Variants in TTF2 observed in about 807,000 individuals in gnomAD.
TTF2 encodes RNA polymerase II termination factor.
Under a neutral mutation model 142.4 loss-of-function variants are expected in TTF2, and 108 were observed. That is an observed-to-expected ratio of 0.76 (90% CI 0.65 to 0.89). TTF2 has a LOEUF of 0.89. Ranked by LOEUF, TTF2 falls within the 40% of genes least tolerant of loss-of-function variation. The pLI, the probability that TTF2 is intolerant of heterozygous loss-of-function variation, is 0.00. For missense variants in TTF2, 1,327 were observed against 1,379.8 expected, an observed-to-expected ratio of 0.96 and a Z score of 0.61; for synonymous variants, 483 against 506.2, an observed-to-expected ratio of 0.95 and a Z score of 0.61.
Position 117,060,380 on chromosome 1 carries a change from G to T in TTF2, c.28+6G>T. ...AGTTAGGTGTCCAGAGCACGGTAAG[G>T]GGCTAGGGTCTCAGCGTCCCGGGGC... On this transcript the variant is annotated splice_donor_region_variant and intron_variant, in intron 1 of 22. Coordinates refer to ENST00000369466, the MANE Select transcript of TTF2 (RefSeq NM_003594.4). 1 of 1,608,186 alleles carries T rather than the reference G, an allele frequency of 6.2e-7. No homozygotes were observed. Among genetic ancestry groups the T allele is most frequent in the Non-Finnish European group, 8.5e-7 (1 of 1,176,468 alleles).
At chr1:117,091,707 T>C (rs1648590870) in intron 16 of TTF2, 110 bp from the exon 17 acceptor site, 13 of 1,381,290 alleles carry the variant, frequency 9.4e-6, no homozygotes, top group Non-Finnish European at 1.3e-5. Flanking sequence ...AACTATATTA[T>C]TGAGTCTGAG....
intron 3 of TTF2, among the ~76,000 whole-genome samples, chr1:117,069,909 C>T (rs936382953): frequency 5.3e-5 from 8 of 152,194 alleles, no homozygotes; most frequent in Admixed American, 1.3e-4. Context: ...AACCTCTGTC[C>T]TGGAAAACAA....
chr1:117,088,028 A>G (rs1225002316), intron 12 of TTF2, among the ~76,000 whole-genome samples: 1 of 152,170 alleles, frequency 6.6e-6, no homozygotes, highest in African/African-American at 2.4e-5. Flanking sequence ...TTATCTTTAC[A>G]CTTGTTTTTC....
In TTF2 at chr1:117,093,200, G is replaced by A. The variant is rs543035693; in HGVS notation, c.2976+299G>A. Among the ~76,000 whole-genome samples, 2 of 152,272 alleles carry A rather than the reference G, an allele frequency of 1.3e-5. No homozygotes were observed. The highest frequency in any genetic ancestry group is 4.1e-4 in the South Asian group (2 of 4,824). On this transcript the variant is annotated intron_variant, in intron 18 of 22. Coordinates refer to ENST00000369466, the MANE Select transcript of TTF2 (RefSeq NM_003594.4). The surrounding 1 kb of genome is among the most constrained non-coding windows in gnomAD (Gnocchi z 4.5). The stretch of plus-strand genomic sequence containing the variant: ...AGCTTGCCAGGTTTGTGCTAGGGAC[G>A]GGGCCTATGCAAGTGAGCAATTTGT...
At position 117,086,844 on chromosome 1, in the gene TTF2, G is replaced by A. The variant is rs909516331; in HGVS notation, c.2160+322G>A. 6.6e-6 allele frequency among the ~76,000 whole-genome samples: 1 copy of A among 151,772 alleles called. No homozygotes were observed. The highest frequency in any genetic ancestry group is 6.6e-5 in the Admixed American group (1 of 15,240). On this transcript the variant is annotated intron_variant, in intron 12 of 22. Transcript: ENST00000369466. This position sits in a 1 kb window ranked among gnomAD's most constrained non-coding sequence, Gnocchi z 4.2. The stretch of plus-strand genomic sequence containing the variant: ...GCTATTTTTATTTTAGAGTATTTGG[G>A]GTATATACTCATGATATTTTTAATA...
In TTF2 at chr1:117,091,401, T is replaced by C; in HGVS notation, c.2662T>C (p.Phe888Leu). Reference sequence around the variant, plus strand: ...ATCTGGAAGAAGCCCTAATAATCCATTCAGTAGAGGTAAGCTGTAGGACTC... The same window carrying C: ...ATCTGGAAGAAGCCCTAATAATCCACTCAGTAGAGGTAAGCTGTAGGACTC... ...NQSGRSPNNPFSRVALEFGSE... is the reference protein window; with the variant it reads ...NQSGRSPNNPLSRVALEFGSE... Residue 888 changes from phenylalanine (F) to leucine (L), a missense_variant, in exon 16 of 23, where the codon TTC (phenylalanine) becomes CTC (leucine). Phe to Leu is a conservative substitution (Grantham distance 22, BLOSUM62 0). Transcript: ENST00000369466. 1 of 1,612,624 alleles carries C rather than the reference T, an allele frequency of 6.2e-7. No homozygotes were observed. The highest frequency in any genetic ancestry group is 1.3e-5 in the African/African-American group (1 of 74,968).
In TTF2 at chr1:117,102,754, T is replaced by C. The variant is rs1649683703; in HGVS notation, c.*1230T>C. 6.6e-6 allele frequency: 1 copy of C among 150,668 alleles called. No homozygotes were observed. Among genetic ancestry groups the C allele is most frequent in the African/African-American group, 2.5e-5 (1 of 40,098 alleles). The allele number at this position is 150,668 out of a possible 1,614,324, so 9.3% of individuals were successfully genotyped here. A position where few individuals can be genotyped will look rare whatever the true frequency, so the allele number is the denominator to read the frequency against. On this transcript the variant is annotated 3_prime_UTR_variant, in exon 23 of 23. Coordinates refer to ENST00000369466, the MANE Select transcript of TTF2 (RefSeq NM_003594.4). ...CAATACTAATCCAATCCAATACTAA[T>C]AATACTATTGGTACAATCCAATACT...
rs188161979 is a variant in TTF2, at chr1:117,100,306, T to A, written c.3345-1074T>A. Among the ~76,000 whole-genome samples, 262 of 152,324 alleles carry A rather than the reference T, an allele frequency of 1.7e-3. 3 individuals are homozygous for A. The highest frequency in any genetic ancestry group is 6.1e-3 in the African/African-American group (254 of 41,574). On this transcript the variant is annotated intron_variant, in intron 22 of 22. Transcript: ENST00000369466. The surrounding 1 kb of genome is among the most constrained non-coding windows in gnomAD (Gnocchi z 4.6). Reference sequence around the variant, plus strand: ...TCTCGCTTTTCCACTTACCAAGTCCTTTAGTTATATTTTCTAAATGTTTCT... The same window carrying A: ...TCTCGCTTTTCCACTTACCAAGTCCATTAGTTATATTTTCTAAATGTTTCT...
rs577846693 is a variant in TTF2 at position 117,094,810 on chromosome 1, A to G, written c.2977-499A>G. 5 of 368,280 alleles carry G rather than the reference A, an allele frequency of 1.4e-5. No individual in the cohort carries two copies. In the East Asian group the frequency reaches 4.0e-4, roughly 30 times the overall value. The allele number at this position is 368,280 out of a possible 1,614,324, so 22.8% of individuals were successfully genotyped here. ...ATACAGTATGACAAGGACCGTGATAATAGAAACAAAAGGTGCTATGATAGT... is the reference window on the plus strand; with the variant it reads ...ATACAGTATGACAAGGACCGTGATAGTAGAAACAAAAGGTGCTATGATAGT... On this transcript the variant is annotated intron_variant, in intron 18 of 22. Coordinates refer to ENST00000369466, the MANE Select transcript of TTF2 (RefSeq NM_003594.4).
At chr1:117,072,651 T>TTGATCTCG (rs1298216452) in intron 3 of TTF2, among the ~76,000 whole-genome samples, 1 of 152,016 alleles carries the variant, frequency 6.6e-6, no homozygotes, top group African/African-American at 2.4e-5. Context: ...TCTCGATCTC[T>TTGATCTCG]TGATCTCGTG....
rs1349019638 is a variant in TTF2, at chr1:117,099,488, A to C, written c.3344+581A>C. Among the ~76,000 whole-genome samples, 1 of 152,226 alleles carries C rather than the reference A, an allele frequency of 6.6e-6. No individual in the cohort carries two copies. Among genetic ancestry groups the C allele is most frequent in the Non-Finnish European group, 1.5e-5 (1 of 68,044 alleles). On this transcript the variant is annotated intron_variant, in intron 22 of 22. Transcript: ENST00000369466. This position sits in a 1 kb window ranked among gnomAD's most constrained non-coding sequence, Gnocchi z 4.3. ...AGTGATGTCCTTCACAGCAAAAAAG[A>C]ATCCCAGATCCTGGTAGCACGCAGT... is the stretch of plus-strand genomic sequence containing the variant.
At chr1:117,065,982 A>C (rs1656076778) in intron 3 of TTF2, among the ~76,000 whole-genome samples, 2 of 139,598 alleles carry the variant, frequency 1.4e-5, no homozygotes, top group South Asian at 4.7e-4. Flanking sequence ...AAAGCCCACT[A>C]TATACCTTTT....
rs1647771179 is a variant in TTF2, at chr1:117,083,928, C to G, written c.1904-90C>G. 2.7e-6 allele frequency: 4 copies of G among 1,493,704 alleles called. 1 individual carries two copies. The highest frequency in any genetic ancestry group is 3.5e-5 in the Admixed American group (2 of 56,828). 92.5% of individuals were successfully genotyped at this position (1,493,704 alleles called of 1,614,324 possible). ...GGAGTTTGAGACAGCCTGGGTAACA[C>G]AGCAAGACCGTGTCTCCATATATTA... On this transcript the variant is annotated intron_variant, in intron 10 of 22. Transcript: ENST00000369466.
chr1:117,075,779 T>C lies in TTF2; in HGVS notation c.1195T>C (p.Ser399Pro). 6.2e-7 allele frequency: 1 copy of C among 1,614,226 alleles called. No homozygotes were observed. The highest frequency in any genetic ancestry group is 8.5e-7 in the Non-Finnish European group (1 of 1,180,038). ...RSVQRKVSPA[S>P]GVSKKVEPSD... is the part of the protein sequence containing the mutation. ...TGTGCAAAGAAAGGTGTCTCCTGCC[T>C]CAGGTGTTTCCAAGAAGGTAGAACC... The change falls in exon 5 of 23, where the codon TCA becomes CCA. Residue 399 changes from serine (S) to proline (P), a missense_variant. Ser to Pro is a moderately conservative substitution (Grantham distance 74, BLOSUM62 -1). Transcript: ENST00000369466. This position sits in a 1 kb window ranked among gnomAD's most constrained non-coding sequence, Gnocchi z 4.5.
intron 19 of TTF2, 39 bp downstream of exon 19, chr1:117,095,406 T>C: frequency 1.3e-6 from 2 of 1,596,768 alleles, no homozygotes; most frequent in Non-Finnish European, 1.7e-6. Context: ...TTGGTCATAA[T>C]TATGTGAGAA....
rs1223010573 is a variant in TTF2 at position 117,085,811 on chromosome 1, C to T, written c.2055-606C>T. Reference sequence around the variant, plus strand: ...TCACTGGAAAAAGATTTGTGTTTCTCATTAATAATCTTTATATGTAAGGAG... The same window carrying T: ...TCACTGGAAAAAGATTTGTGTTTCTTATTAATAATCTTTATATGTAAGGAG... On this transcript the variant is annotated intron_variant, in intron 11 of 22. Transcript: ENST00000369466. The surrounding 1 kb of genome is among the most constrained non-coding windows in gnomAD (Gnocchi z 4.7). 1.3e-5 allele frequency among the ~76,000 whole-genome samples: 2 copies of T among 152,070 alleles called. No homozygotes were observed. Among genetic ancestry groups the T allele is most frequent in the African/African-American group, 2.4e-5 (1 of 41,384 alleles).
intron 12 of TTF2, among the ~76,000 whole-genome samples, chr1:117,088,394 G>A (rs534843666): frequency 7.9e-5 from 12 of 152,248 alleles, no homozygotes; most frequent in African/African-American, 2.9e-4. Context: ...AAAATTAGCC[G>A]GGTGTGGTGG....
intron 20 of TTF2, 25 bp downstream of exon 20, chr1:117,096,324 G>A (rs201884982): frequency 2.6e-4 from 418 of 1,610,002 alleles, no homozygotes; most frequent in Middle Eastern, 8.3e-4. Context: ...CATCAGAGCC[G>A]CATAATTAAC....
chr1:117,081,845 G>A lies in TTF2; in HGVS notation c.1801G>A (p.Gly601Arg), dbSNP rs201027814. The A allele has an allele frequency of 9.5e-5, 154 of 1,613,782 alleles. No homozygotes were observed. Among genetic ancestry groups the A allele is most frequent in the Non-Finnish European group, 1.8e-5 (21 of 1,179,984 alleles). ...GGILADDMGL[G>R]KTLTMIALIL... is the part of the protein sequence containing the mutation. The stretch of plus-strand genomic sequence containing the variant: ...TTTTCTAGCAGATGATATGGGCTTA[G>A]GAAAAACCCTGACAATGATTGCGCT... The change falls in exon 10 of 23, where the codon GGA becomes AGA. Residue 601 changes from glycine to arginine, a missense_variant. Gly to Arg is a moderately radical substitution (Grantham distance 125, BLOSUM62 -2). Transcript: ENST00000369466.
Sources: gnomAD v4.1 joint callset for allele counts (sites outside exome capture counted in the v4.1 genomes callset) on GRCh38, gnomAD v4.1.1 for gene constraint, Gnocchi (gnomAD v3.1) non-coding constraint, MANE v1.5 for transcripts, NCBI Gene and HGNC (gene_info 2026-07-23, HGNC 2026-07-21) for gene names.